Variants in SRCIN1 observed in about 807,000 individuals in gnomAD.
SRCIN1 encodes SRC kinase signaling inhibitor 1.
SRCIN1 carries 50 observed loss-of-function variants against 116.2 expected under a neutral mutation model. That is an observed-to-expected ratio of 0.43 (90% CI 0.34 to 0.54). SRCIN1 has a LOEUF of 0.54. Among genes scored for constraint, SRCIN1 ranks in the 20% least tolerant of loss-of-function variants. The probability of loss-of-function intolerance (pLI) is 0.02; values close to 1 mark genes in which losing one functional copy is unlikely to be tolerated. For missense variants in SRCIN1, 1,446 were observed against 1,672.0 expected (o/e 0.86, Z 2.36); for synonymous variants, 736 against 750.0 (o/e 0.98, Z 0.30).
At chr17:38,546,235 G>A (rs1161043323) in intron 17 of SRCIN1, among the ~76,000 whole-genome samples, 2 of 152,184 alleles carry the variant, frequency 1.3e-5, no homozygotes, top group Non-Finnish European at 2.9e-5. Flanking sequence ...ACCTTAACCC[G>A]GGAAGTGACT....
intron 2 of SRCIN1, among the ~76,000 whole-genome samples, chr17:38,575,765 G>A (rs984267818): frequency 6.6e-6 from 1 of 151,942 alleles, no homozygotes; most frequent in East Asian, 1.9e-4. Flanking sequence ...CACCCCCTTC[G>A]TTCCCCAAGG....
rs79389948 is a variant in SRCIN1, at chr17:38,536,182, G to A, written c.3418-2751C>T. 3.0e-4 allele frequency among the ~76,000 whole-genome samples: 46 copies of A among 152,192 alleles called. 2 individuals are homozygous for A. In the East Asian group the frequency reaches 7.9e-3, roughly 26 times the overall value. On this transcript the variant is annotated intron_variant, in intron 18 of 18. Transcript: ENST00000617146. ...AACATGTGCTTTCTAAAATCCTCTC[G>A]GGTCATCTTCCCTCCCGGGAGACTC...
At chr17:38,539,423 A>C (rs1904590210) in intron 18 of SRCIN1, among the ~76,000 whole-genome samples, 1 of 152,058 alleles carries the variant, frequency 6.6e-6, no homozygotes, top group Non-Finnish European at 1.5e-5. Flanking sequence ...CTGTACCCTG[A>C]GAGGCTGATC....
At chr17:38,533,454 G>GGGTCAGA in intron 18 of SRCIN1, 23 bp from the exon 19 acceptor site, 2 of 1,610,354 alleles carry the variant, frequency 1.2e-6, no homozygotes, top group Non-Finnish European at 1.7e-6. Context: ...CAGGGGTCAG[G>GGGTCAGA]GGTCAGAGAG....
chr17:38,599,809 G>A (rs1908924451), intron 1 of SRCIN1, among the ~76,000 whole-genome samples: 1 of 152,208 alleles, frequency 6.6e-6, no homozygotes, highest in Non-Finnish European at 1.5e-5. Flanking sequence ...CGAAGGGTGG[G>A]ATGAGGGAAC....
At chr17:38,567,501 G>A (rs1436337654) in intron 3 of SRCIN1, among the ~76,000 whole-genome samples, 1 of 152,146 alleles carries the variant, frequency 6.6e-6, no homozygotes, top group Non-Finnish European at 1.5e-5. Flanking sequence ...AGACACCTGG[G>A]GAGTCTGGGT....
chr17:38,559,636 C>A lies in SRCIN1; in HGVS notation c.1974G>T (p.Gln658His). ...LQMQLHLRGL[Q>H]NSASDLRGQL... is the part of the protein sequence containing the mutation. ...GGCCGCGCAAGTCACTGGCGCTGTT[C>A]TGCAGGCCTCGCAGGTGAAGCTGCA... The change falls in exon 10 of 19, where the codon CAG becomes CAT. Residue 658 changes from glutamine to histidine, a missense_variant. By Grantham distance (24) the Gln-to-His change is conservative. Transcript: ENST00000617146. 1 of 1,603,302 alleles carries A rather than the reference C, an allele frequency of 6.2e-7. No individual in the cohort carries two copies. The highest frequency in any genetic ancestry group is 8.5e-7 in the Non-Finnish European group (1 of 1,179,496).
chr17:38,561,383 C>A, intron 7 of SRCIN1, 80 bp downstream of exon 7: 1 of 1,397,692 alleles, frequency 7.2e-7, no homozygotes. Flanking sequence ...GGACACACAC[C>A]TGCCACGGAC....
chr17:38,583,142 T>C (rs1381701969), intron 1 of SRCIN1, among the ~76,000 whole-genome samples: 1 of 152,146 alleles, frequency 6.6e-6, no homozygotes, highest in Non-Finnish European at 1.5e-5. Flanking sequence ...CGATTATGGC[T>C]CAGTGCAGCC....
At chr17:38,601,336 C>T (rs1185048206) in intron 1 of SRCIN1, among the ~76,000 whole-genome samples, 1 of 152,168 alleles carries the variant, frequency 6.6e-6, no homozygotes, top group Non-Finnish European at 1.5e-5. Flanking sequence ...TCCAGGCAGG[C>T]CCATCAGAGA....
chr17:38,542,852 C>T (rs1904831370), intron 18 of SRCIN1: 4 of 321,632 alleles, frequency 1.2e-5, no homozygotes, highest in Admixed American at 3.8e-5. Flanking sequence ...AACCTCTTGC[C>T]TCTGAGTCTA....
intron 18 of SRCIN1, among the ~76,000 whole-genome samples, chr17:38,540,388 T>A (rs1904652965): frequency 6.6e-6 from 1 of 152,234 alleles, no homozygotes; most frequent in South Asian, 2.1e-4. Flanking sequence ...AGGAGAGGCC[T>A]TGGGCACCGC....
At chr17:38,603,225 A>G (rs1027035787) in intron 1 of SRCIN1, among the ~76,000 whole-genome samples, 1 of 150,366 alleles carries the variant, frequency 6.7e-6, no homozygotes, top group Non-Finnish European at 1.5e-5. Context: ...GAGAGAGAGA[A>G]AGAGAGAGAG....
At position 38,552,913 on chromosome 17, in the gene SRCIN1, C is replaced by G. The variant is rs1905537864; in HGVS notation, c.2202-58G>C. ...TGGCCTGAGATGCCAGCCCAGCCCC[C>G]TGAAATTGGGCAACTGGAAAGAAAT... On this transcript the variant is annotated intron_variant, in intron 11 of 18. Coordinates refer to ENST00000617146, the MANE Select transcript of SRCIN1 (RefSeq NM_025248.3). The surrounding 1 kb of genome is among the most constrained non-coding windows in gnomAD (Gnocchi z 5.3). The G allele has an allele frequency of 1.3e-6, 2 of 1,561,540 alleles. No individual in the cohort carries two copies. The highest frequency in any genetic ancestry group is 4.5e-5 in the East Asian group (2 of 44,300).
At chr17:38,575,774 G>A (rs1907382769) in intron 2 of SRCIN1, among the ~76,000 whole-genome samples, 1 of 152,076 alleles carries the variant, frequency 6.6e-6, no homozygotes, top group Non-Finnish European at 1.5e-5. Flanking sequence ...CGTTCCCCAA[G>A]GCCACCCCAC....
At chr17:38,574,897 G>A (rs1210248430) in intron 2 of SRCIN1, 6 of 400,976 alleles carry the variant, frequency 1.5e-5, no homozygotes, top group African/African-American at 4.1e-5. Flanking sequence ...GGCCAGCCCC[G>A]GAGGGGGCGG....
intron 1 of SRCIN1, 143 bp from the exon 2 acceptor site, chr17:38,578,934 C>G (rs1198623240): frequency 1.0e-5 from 10 of 971,150 alleles, no homozygotes; most frequent in Non-Finnish European, 1.3e-5. Flanking sequence ...AGGGGCTGCC[C>G]AGCACCCCAC....
intron 17 of SRCIN1, chr17:38,545,304 G>A (rs572759833): frequency 1.3e-5 from 2 of 151,868 alleles, no homozygotes; most frequent in Non-Finnish European, 2.9e-5. Flanking sequence ...GGCCATCCCA[G>A]CCCCTCGTGC....
At chr17:38,590,143 C>T (rs1908362116) in intron 1 of SRCIN1, among the ~76,000 whole-genome samples, 1 of 152,224 alleles carries the variant, frequency 6.6e-6, no homozygotes, top group African/African-American at 2.4e-5. Flanking sequence ...CCCACCCTCC[C>T]TTCTCCAATC....
Sources: allele counts gnomAD v4.1 joint callset (sites outside exome capture counted in the v4.1 genomes callset), GRCh38; gene constraint gnomAD v4.1.1; non-coding constraint Gnocchi (gnomAD v3.1); transcripts MANE v1.5; gene names NCBI Gene and HGNC (gene_info 2026-07-23, HGNC 2026-07-21).